The following TRAF5 variants were observed in gnomAD, a reference collection of about 807,000 sequenced individuals.
The protein encoded by TRAF5 is TNF receptor-associated factor 5.
A neutral mutation model predicts 64.5 loss-of-function variants in TRAF5; 48 were observed. The observed-to-expected ratio is 0.74, with a 90% CI of 0.59 to 0.95. The LOEUF (loss-of-function observed/expected upper bound fraction) is 0.95, where lower values mean the gene tolerates loss of function less well. Ranked by LOEUF, TRAF5 falls within the 40% of genes least tolerant of loss-of-function variation. The pLI is 0.00. For synonymous variants in TRAF5, 206 were observed against 240.5 expected (o/e 0.86, Z 1.33); for missense variants, 545 against 662.8 (o/e 0.82, Z 1.95).
At chr1:211,360,569 T>G in intron 5 of TRAF5, 133 bp from the exon 6 acceptor site, 1 of 636,354 alleles carries the variant, frequency 1.6e-6, no homozygotes. Flanking sequence ...TCTTTAATCC[T>G]TTTTTGGAAT....
intron 8 of TRAF5, among the ~76,000 whole-genome samples, chr1:211,366,520 G>A (rs1703360495): frequency 6.6e-6 from 1 of 152,182 alleles, no homozygotes; most frequent in African/African-American, 2.4e-5. Context: ...AGGACATGCT[G>A]TAACTCAGTC....
At position 211,335,710 on chromosome 1, in the gene TRAF5, A is replaced by G. The variant is rs190248407; in HGVS notation, c.-2+8821A>G. On this transcript the variant is annotated intron_variant, in intron 1 of 10. Coordinates refer to ENST00000261464, the MANE Select transcript of TRAF5 (RefSeq NM_001033910.3). ...CAGCAAGAGGTGGGGAGAGAGGAAA[A>G]GATGTTTCCGGAAGAGACAACAGCT... Among the ~76,000 whole-genome samples, 209 of 152,252 alleles carry G rather than the reference A, an allele frequency of 1.4e-3. 2 individuals carry two copies. Among genetic ancestry groups the G allele is most frequent in the Non-Finnish European group, 2.2e-4 (15 of 68,020 alleles).
At chr1:211,331,164 T>G (rs1702146092) in intron 1 of TRAF5, among the ~76,000 whole-genome samples, 1 of 152,220 alleles carries the variant, frequency 6.6e-6, no homozygotes, top group Non-Finnish European at 1.5e-5. Flanking sequence ...AGGGACTCTT[T>G]CCTGGGCAAC....
chr1:211,354,326 C>A, intron 2 of TRAF5, 84 bp from the exon 3 acceptor site: 2 of 1,347,864 alleles, frequency 1.5e-6, no homozygotes, highest in Non-Finnish European at 2.1e-6. Context: ...AGGGCTAGAG[C>A]ATGGCTGGAG....
intron 8 of TRAF5, among the ~76,000 whole-genome samples, chr1:211,367,577 A>G (rs1703395736): frequency 6.6e-6 from 1 of 152,216 alleles, no homozygotes; most frequent in Non-Finnish European, 1.5e-5. Context: ...GGAAAGAGAG[A>G]GAGTATCAAG....
At chr1:211,339,750 C>T (rs1339115270) in intron 1 of TRAF5, among the ~76,000 whole-genome samples, 2 of 152,164 alleles carry the variant, frequency 1.3e-5, no homozygotes, top group African/African-American at 4.8e-5. Flanking sequence ...GGTAGCCCTC[C>T]GCCAGGAAGC....
chr1:211,339,813 G>A (rs750089521), intron 1 of TRAF5, among the ~76,000 whole-genome samples: 5 of 152,220 alleles, frequency 3.3e-5, no homozygotes, highest in Non-Finnish European at 7.4e-5. Context: ...TTGCTGTCAG[G>A]CGGGAGGGAA....
chr1:211,369,953 A>T (rs1357949789), intron 9 of TRAF5, among the ~76,000 whole-genome samples: 1 of 152,226 alleles, frequency 6.6e-6, no homozygotes, highest in East Asian at 1.9e-4. Context: ...AAGAATAAAG[A>T]TCTTCTTTTA....
chr1:211,344,563 G>T, intron 1 of TRAF5, among the ~76,000 whole-genome samples: 1 of 152,240 alleles, frequency 6.6e-6, no homozygotes, highest in South Asian at 2.1e-4. Flanking sequence ...GGCCTTATTG[G>T]TTCTCCCTTT....
chr1:211,370,014 G>C (rs1397730401), intron 9 of TRAF5, among the ~76,000 whole-genome samples: 1 of 152,092 alleles, frequency 6.6e-6, no homozygotes, highest in African/African-American at 2.4e-5. Flanking sequence ...TTGATACAAT[G>C]CTTCTATATA....
At chr1:211,367,282 A>G (rs1703385363) in intron 8 of TRAF5, among the ~76,000 whole-genome samples, 1 of 152,182 alleles carries the variant, frequency 6.6e-6, no homozygotes, top group Non-Finnish European at 1.5e-5. Context: ...GACAGTTGGT[A>G]ATAGCATGGC....
rs149049237 is a variant in TRAF5, at chr1:211,362,314, A to C, written c.696+1152A>C. 2.5e-4 allele frequency among the ~76,000 whole-genome samples: 38 copies of C among 152,356 alleles called. 1 individual carries two copies. The highest frequency in any genetic ancestry group is 8.9e-4 in the African/African-American group (37 of 41,584). On this transcript the variant is annotated intron_variant, in intron 7 of 10. Coordinates refer to ENST00000261464, the MANE Select transcript of TRAF5 (RefSeq NM_001033910.3). ...ATTATTCTGTATTTTCTGTAAATCT[A>C]AAATTATTCCAAAATAAGAAGTTAA...
chr1:211,360,466 CCTT>C, intron 5 of TRAF5: 1 of 513,638 alleles, frequency 1.9e-6, no homozygotes, highest in African/African-American at 1.9e-5. Flanking sequence ...CCCCAATCTA[CCTT>C]CTTTGAATCC....
intron 1 of TRAF5, 130 bp from the exon 2 acceptor site, chr1:211,353,109 A>G: frequency 2.2e-6 from 2 of 928,504 alleles, no homozygotes; most frequent in Non-Finnish European, 1.7e-6. Flanking sequence ...CTGTTGTTTC[A>G]GAGTCACAAC....
intron 1 of TRAF5, among the ~76,000 whole-genome samples, chr1:211,343,230 G>C (rs976217068): frequency 6.6e-6 from 1 of 152,062 alleles, no homozygotes; most frequent in African/African-American, 2.4e-5. Flanking sequence ...GGCTATGAAG[G>C]GGTATGGGCA....
At position 211,353,469 on chromosome 1, in the gene TRAF5, G is replaced by C; in HGVS notation, c.218+12G>C. The C allele has an allele frequency of 6.2e-7, 1 of 1,608,154 alleles. No homozygotes were observed. Among genetic ancestry groups the C allele is most frequent in the Non-Finnish European group, 8.5e-7 (1 of 1,177,874 alleles). On this transcript the variant is annotated intron_variant, in intron 2 of 10. Coordinates refer to ENST00000261464, the MANE Select transcript of TRAF5 (RefSeq NM_001033910.3). The stretch of plus-strand genomic sequence containing the variant: ...ATCCTGTCCCTGAGGTGAGTGGGCA[G>C]GGCCTGCAACTCTGGCCATGGCAGT...
At chr1:211,364,478 A>C (rs1703283150) in intron 7 of TRAF5, among the ~76,000 whole-genome samples, 1 of 152,046 alleles carries the variant, frequency 6.6e-6, no homozygotes, top group Non-Finnish European at 1.5e-5. Context: ...TGAGGTCAGG[A>C]GTTCGAGACC....
At chr1:211,330,113 T>G (rs1402832040) in intron 1 of TRAF5, among the ~76,000 whole-genome samples, 1 of 152,190 alleles carries the variant, frequency 6.6e-6, no homozygotes, top group Admixed American at 6.5e-5. Flanking sequence ...TATTTGTACC[T>G]GGAGGCAGGT....
rs1263735670 is a variant in TRAF5, at chr1:211,373,359, A to G, written c.*657A>G. On this transcript the variant is annotated 3_prime_UTR_variant, in exon 11 of 11. Transcript: ENST00000261464. ...TTCTTCCTGCTGAAGTAAAGCAGAA[A>G]GTACTGCATAGTATATGAGATATAG... 1 of 152,244 alleles carries G rather than the reference A, an allele frequency of 6.6e-6. No homozygotes were observed. The highest frequency in any genetic ancestry group is 6.5e-5 in the Admixed American group (1 of 15,290). 9.4% of individuals were successfully genotyped at this position (152,244 alleles called of 1,614,324 possible).
Sources: allele counts gnomAD v4.1 joint callset (sites outside exome capture counted in the v4.1 genomes callset), GRCh38; gene constraint gnomAD v4.1.1; transcripts MANE v1.5; gene names NCBI Gene and HGNC (gene_info 2026-07-23, HGNC 2026-07-21).